DOCK10: variants seen among roughly 807,000 people sequenced by gnomAD.
DOCK10 encodes dedicator of cytokinesis protein 10.
Under a neutral mutation model 280.1 loss-of-function variants are expected in DOCK10, and 145 were observed. That is an observed-to-expected ratio of 0.52 (90% CI 0.45 to 0.59). The LOEUF (loss-of-function observed/expected upper bound fraction) is 0.59. Among genes scored for constraint, DOCK10 ranks in the 20% least tolerant of loss-of-function variants. DOCK10 has a pLI of 0.00. For synonymous variants in DOCK10, 915 were observed against 942.2 expected, an observed-to-expected ratio of 0.97 and a Z score of 0.53; for missense variants, 2,368 against 2,651.7, an observed-to-expected ratio of 0.89 and a Z score of 2.35.
intron 7 of DOCK10, among the ~76,000 whole-genome samples, chr2:224,881,267 T>C (rs1287020812): frequency 6.6e-6 from 1 of 152,206 alleles, no homozygotes. Context: ...TGTTTTTTTT[T>C]CTGTGCATCC....
intron 14 of DOCK10, among the ~76,000 whole-genome samples, chr2:224,857,681 G>A (rs1443414748): frequency 6.6e-6 from 1 of 151,850 alleles, no homozygotes; most frequent in African/African-American, 2.4e-5. Flanking sequence ...CTTCACATAG[G>A]TACCATGCTT....
intron 1 of DOCK10, among the ~76,000 whole-genome samples, chr2:224,951,986 C>T (rs902048082): frequency 3.3e-5 from 5 of 152,162 alleles, no homozygotes; most frequent in African/African-American, 1.2e-4. Context: ...CTAACTTCTC[C>T]TTTTGCCTCA....
intron 1 of DOCK10, among the ~76,000 whole-genome samples, chr2:224,962,555 T>C (rs1704509588): frequency 6.6e-6 from 1 of 152,228 alleles, no homozygotes; most frequent in Admixed American, 6.5e-5. Flanking sequence ...CTACTTGCAT[T>C]ATGTTGCTGA....
chr2:224,990,399 A>G (rs1706092983), intron 1 of DOCK10, among the ~76,000 whole-genome samples: 1 of 152,198 alleles, frequency 6.6e-6, no homozygotes, highest in Non-Finnish European at 1.5e-5. Flanking sequence ...TTCAGCAAAA[A>G]TTTTAAGCCT....
intron 1 of DOCK10, among the ~76,000 whole-genome samples, chr2:224,973,700 T>TAAAAC (rs1705230079): frequency 6.6e-6 from 1 of 152,204 alleles, no homozygotes; most frequent in East Asian, 1.9e-4. Flanking sequence ...TCGTGGTCAT[T>TAAAAC]TATTACAGCA....
At chr2:224,994,781 CACTT>C (rs1559937144) in intron 1 of DOCK10, among the ~76,000 whole-genome samples, 1 of 152,236 alleles carries the variant, frequency 6.6e-6, no homozygotes, top group African/African-American at 2.4e-5. Flanking sequence ...TACACACACA[CACTT>C]ACACACACAA....
chr2:224,930,136 G>A (rs1019561955), intron 2 of DOCK10, among the ~76,000 whole-genome samples: 1 of 151,242 alleles, frequency 6.6e-6, no homozygotes, highest in Non-Finnish European at 1.5e-5. Context: ...AGGAGGTGGA[G>A]GAGGTTGCAG....
rs780464292 is a variant in DOCK10 at position 224,886,068 on chromosome 2, C to T, written c.607G>A (p.Val203Ile). The change falls in exon 6 of 56, where the codon GTT (valine) becomes ATT (isoleucine). Residue 203 changes from valine (V) to isoleucine (I), a missense_variant. Physicochemically the swap from Val to Ile is conservative, Grantham distance 29. Coordinates refer to ENST00000258390, the MANE Select transcript of DOCK10 (RefSeq NM_014689.3). ...FNSTVNNTVTVRSFKKRYFQL... is the reference protein window; with the variant it reads ...FNSTVNNTVTIRSFKKRYFQL... ...GAGTCTTGATATCTCCTTACCCGAA[C>T]AGTAACGGTGTTGTTCACGGTGCTG... 6.2e-6 allele frequency: 10 copies of T among 1,613,824 alleles called. No homozygotes were observed. In the South Asian group the frequency reaches 8.8e-5, roughly 14 times the overall value.
At chr2:224,915,551 T>C (rs1701259484) in intron 3 of DOCK10, among the ~76,000 whole-genome samples, 1 of 152,254 alleles carries the variant, frequency 6.6e-6, no homozygotes, top group Non-Finnish European at 1.5e-5. Flanking sequence ...ATATTTGTAT[T>C]AATATGTACA....
At chr2:225,022,648 G>A (rs1350131176) in intron 1 of DOCK10, among the ~76,000 whole-genome samples, 2 of 152,182 alleles carry the variant, frequency 1.3e-5, no homozygotes, top group African/African-American at 4.8e-5. Context: ...TTCTGATACT[G>A]TGAAATTACT....
Position 224,786,139 on chromosome 2 carries a change from T to C in DOCK10, c.5655+883A>G, listed in dbSNP as rs1054981132. 6.6e-6 allele frequency among the ~76,000 whole-genome samples: 1 copy of C among 151,984 alleles called. No homozygotes were observed. The highest frequency in any genetic ancestry group is 1.5e-5 in the Non-Finnish European group (1 of 67,994). On this transcript the variant is annotated intron_variant, in intron 50 of 55. Transcript: ENST00000258390. The surrounding 1 kb of genome is among the most constrained non-coding windows in gnomAD (Gnocchi z 4.7). Reference sequence around the variant, plus strand: ...TGAACCGGGACCCAGGAGGCGGAGGTTGCAGTGAGCCGAGATCACGCCACT... The same window carrying C: ...TGAACCGGGACCCAGGAGGCGGAGGCTGCAGTGAGCCGAGATCACGCCACT...
chr2:225,002,649 A>G (rs281527), intron 1 of DOCK10, among the ~76,000 whole-genome samples: 127,976 of 152,254 alleles, frequency 0.84, 54,108 homozygotes, highest in African/African-American at 0.93. Context: ...ACGAGGAGCT[A>G]GTTGCATGGG....
chr2:225,031,947 A>G (rs543014430), intron 1 of DOCK10, among the ~76,000 whole-genome samples: 2 of 152,170 alleles, frequency 1.3e-5, no homozygotes, highest in Non-Finnish European at 2.9e-5. Flanking sequence ...GGATGTGTGA[A>G]CAGCCATTCC....
At chr2:224,834,080 A>G (rs1032518731) in intron 26 of DOCK10, 70 bp downstream of exon 26, 48 of 883,290 alleles carry the variant, frequency 5.4e-5, no homozygotes, top group Admixed American at 2.4e-4. Context: ...CATGACTCCT[A>G]TCATTTTCCA....
chr2:224,999,860 T>C (rs1706380323), intron 1 of DOCK10, among the ~76,000 whole-genome samples: 1 of 152,156 alleles, frequency 6.6e-6, no homozygotes, highest in African/African-American at 2.4e-5. Flanking sequence ...TATGCAACAG[T>C]AAATATGTAT....
intron 3 of DOCK10, among the ~76,000 whole-genome samples, chr2:224,913,718 G>GTTTATTTATTTATTTATTTA (rs113890271): frequency 6.7e-6 from 1 of 150,334 alleles, no homozygotes; most frequent in African/African-American, 2.5e-5. Flanking sequence ...TTGTTTGTCT[G>GTTTATTTATTTATTTATTTA]TTTATTTATT....
At chr2:224,981,500 A>T (rs2126252956) in intron 1 of DOCK10, among the ~76,000 whole-genome samples, 1 of 152,358 alleles carries the variant, frequency 6.6e-6, no homozygotes, top group South Asian at 2.1e-4. Flanking sequence ...AATTTTAGTG[A>T]CTAAGCAGAT....
At chr2:224,821,121 A>G (rs1280404954) in intron 28 of DOCK10, among the ~76,000 whole-genome samples, 2 of 152,230 alleles carry the variant, frequency 1.3e-5, no homozygotes, top group Non-Finnish European at 2.9e-5. Flanking sequence ...TTTTTGGCAT[A>G]ATTGCTGAAA....
chr2:224,863,735 G>A (rs1316764950), intron 13 of DOCK10, among the ~76,000 whole-genome samples: 2 of 152,228 alleles, frequency 1.3e-5, no homozygotes, highest in African/African-American at 4.8e-5. Flanking sequence ...ACAGGCGTGA[G>A]CCACTGCGCC....
Sources: allele counts gnomAD v4.1 joint callset (sites outside exome capture counted in the v4.1 genomes callset), GRCh38; gene constraint gnomAD v4.1.1; non-coding constraint Gnocchi (gnomAD v3.1); transcripts MANE v1.5; gene names NCBI Gene and HGNC (gene_info 2026-07-23, HGNC 2026-07-21).